The following HTRA3 variants were observed in gnomAD, a reference collection of about 807,000 sequenced individuals.
HTRA3 encodes the protein HtrA serine peptidase 3, also known as serine protease HTRA3.
In HTRA3, 41 loss-of-function variants were observed where a neutral mutation model predicts 43.2. The ratio of observed to expected loss-of-function variants is 0.95; its 90% CI spans 0.74 to 1.23. HTRA3 has a LOEUF of 1.23. HTRA3 is among the 50% of genes most tolerant of loss of function. HTRA3 has a pLI of 0.00. For synonymous variants in HTRA3, 295 were observed against 287.9 expected (o/e 1.02, Z -0.25); for missense variants, 628 against 647.1 (o/e 0.97, Z 0.32).
intron 1 of HTRA3, among the ~76,000 whole-genome samples, chr4:8,278,260 C>G (rs114898293): frequency 1.2e-3 from 177 of 152,190 alleles, no homozygotes; most frequent in Non-Finnish European, 1.9e-3. Flanking sequence ...CTTGTCTCCC[C>G]TGCCCTGTTG....
At chr4:8,274,145 G>T (rs1017690252) in intron 1 of HTRA3, among the ~76,000 whole-genome samples, 1 of 152,142 alleles carries the variant, frequency 6.6e-6, no homozygotes, top group Non-Finnish European at 1.5e-5. Flanking sequence ...CATCACCCTC[G>T]GTGCCGTCTC....
intron 3 of HTRA3, among the ~76,000 whole-genome samples, chr4:8,290,424 G>A (rs1713187970): frequency 6.6e-6 from 1 of 152,256 alleles, no homozygotes; most frequent in Admixed American, 6.5e-5. Flanking sequence ...CTGCCCCACT[G>A]ATCTCCTAAG....
chr4:8,292,300 T>C (rs763597664), intron 4 of HTRA3, 21 bp from the exon 5 acceptor site: 1 of 1,611,510 alleles, frequency 6.2e-7, no homozygotes, highest in South Asian at 1.1e-5. Context: ...GCACAGCTAA[T>C]GCTGTTTCCT....
At chr4:8,290,659 G>A (rs1713197423) in intron 3 of HTRA3, among the ~76,000 whole-genome samples, 2 of 152,196 alleles carry the variant, frequency 1.3e-5, no homozygotes, top group Non-Finnish European at 2.9e-5. Flanking sequence ...ACAAGCACCC[G>A]GGATTACCTT....
intron 3 of HTRA3, among the ~76,000 whole-genome samples, chr4:8,288,344 G>A (rs1713078950): frequency 6.6e-6 from 1 of 152,112 alleles, no homozygotes; most frequent in Admixed American, 6.5e-5. Context: ...CGTCATCTCG[G>A]CTCACCACAA....
intron 6 of HTRA3, among the ~76,000 whole-genome samples, chr4:8,300,058 T>A (rs1713583371): frequency 6.6e-6 from 1 of 152,246 alleles, no homozygotes. Flanking sequence ...CAGGCTGGTC[T>A]CAGACTCCTG....
chr4:8,276,465 C>T (rs1376485789), intron 1 of HTRA3, among the ~76,000 whole-genome samples: 1 of 152,184 alleles, frequency 6.6e-6, no homozygotes, highest in Admixed American at 6.5e-5. Context: ...AGCTGGAAGG[C>T]GGTGTCTGTG....
Position 8,295,608 on chromosome 4 carries a change from T to G in HTRA3, c.1051+1407T>G. ...CCTAGTGAGCTTCTCCCTCCTGCCA[T>G]TGTGTCTCCTGTGCCCACCTCCTGG... is the stretch of plus-strand genomic sequence containing the variant. On this transcript the variant is annotated intron_variant, in intron 6 of 8. Coordinates refer to ENST00000307358, the MANE Select transcript of HTRA3 (RefSeq NM_053044.5). This position sits in a 1 kb window ranked among gnomAD's most constrained non-coding sequence, Gnocchi z 6.9. 4 of 985,484 alleles carry G rather than the reference T, an allele frequency of 4.1e-6. No individual in the cohort carries two copies. Among genetic ancestry groups the G allele is most frequent in the Non-Finnish European group, 5.4e-6 (4 of 738,120 alleles). 61.0% of individuals were successfully genotyped at this position (985,484 alleles called of 1,614,324 possible).
intron 1 of HTRA3, among the ~76,000 whole-genome samples, chr4:8,281,605 G>A (rs577343073): frequency 4.1e-4 from 63 of 152,384 alleles, no homozygotes; most frequent in African/African-American, 1.3e-3. Flanking sequence ...GGGCTCGGGA[G>A]CCACGAGCGA....
At position 8,270,479 on chromosome 4, in the gene HTRA3, C is replaced by T; in HGVS notation, c.385+126C>T. 4 of 1,055,792 alleles carry T rather than the reference C, an allele frequency of 3.8e-6. 1 individual carries two copies. The South Asian group carries it at 8.3e-5, about 22-fold the overall frequency. The allele number at this position is 1,055,792 out of a possible 1,614,324, so 65.4% of individuals were successfully genotyped here. ...CACCGGGTGGCCCTTCAGAAATCAT[C>T]CCACCAGCCCTCTGGTCTTTCAGAT... On this transcript the variant is annotated intron_variant, in intron 1 of 8. Transcript: ENST00000307358.
At chr4:8,287,430 G>C (rs578240355) in intron 3 of HTRA3, among the ~76,000 whole-genome samples, 2 of 152,160 alleles carry the variant, frequency 1.3e-5, no homozygotes, top group East Asian at 1.9e-4. Context: ...AAGAAAAGAG[G>C]GTTCGTTGAC....
chr4:8,287,834 C>A (rs528824173), intron 3 of HTRA3, among the ~76,000 whole-genome samples: 1 of 152,344 alleles, frequency 6.6e-6, no homozygotes, highest in East Asian at 1.9e-4. Flanking sequence ...TGGAGCAGGG[C>A]TGGCCCGCTC....
rs776282148 is a variant in HTRA3 at position 8,306,095 on chromosome 4, G to A, written c.1321G>A (p.Asp441Asn). Residue 441 changes from aspartate to asparagine, a missense_variant, in exon 9 of 9, where the codon GAC (aspartate) becomes AAC (asparagine). Coordinates refer to ENST00000307358, the MANE Select transcript of HTRA3 (RefSeq NM_053044.5). The surrounding 1 kb of genome is among the most constrained non-coding windows in gnomAD (Gnocchi z 8.9). ...CCTACTGGAGGTGCGGCGGGGGAAC[G>A]ACGACCTCCTCTTCAGCATCGCACC... ...PLLLEVRRGN[D>N]DLLFSIAPEV... The A allele has an allele frequency of 1.6e-5, 26 of 1,607,086 alleles. No individual in the cohort carries two copies. The highest frequency in any genetic ancestry group is 2.2e-5 in the East Asian group (1 of 44,728).
chr4:8,290,436 T>C (rs1713188327), intron 3 of HTRA3, among the ~76,000 whole-genome samples: 1 of 152,148 alleles, frequency 6.6e-6, no homozygotes, highest in East Asian at 1.9e-4. Context: ...TCTCCTAAGT[T>C]GGGGCAATGC....
intron 8 of HTRA3, 52 bp from the exon 9 acceptor site, chr4:8,305,909 GGGCCTGGGAA>G: frequency 6.3e-7 from 1 of 1,590,660 alleles, no homozygotes; most frequent in South Asian, 1.1e-5. Context: ...GCTCTGGGCC[GGGCCTGGGAA>G]GGCTGTGCCT....
chr4:8,303,557 C>T (rs1467254372), intron 7 of HTRA3, among the ~76,000 whole-genome samples: 1 of 152,228 alleles, frequency 6.6e-6, no homozygotes, highest in African/African-American at 2.4e-5. Context: ...ACCATTTCCT[C>T]AAAGCACACA....
chr4:8,283,075 G>A (rs1309659173), intron 2 of HTRA3, among the ~76,000 whole-genome samples: 1 of 152,246 alleles, frequency 6.6e-6, no homozygotes. Context: ...TGTGGCCGGA[G>A]CGGGGAGGAA....
intron 1 of HTRA3, among the ~76,000 whole-genome samples, chr4:8,274,676 G>A (rs1431386368): frequency 6.6e-6 from 1 of 152,224 alleles, no homozygotes; most frequent in Admixed American, 6.5e-5. Context: ...TCCATCCACG[G>A]GATGGTAAAA....
At chr4:8,294,005 CAG>C (rs1318989582) in intron 5 of HTRA3, 80 bp from the exon 6 acceptor site, 1 of 887,692 alleles carries the variant, frequency 1.1e-6, no homozygotes, top group Non-Finnish European at 1.8e-6. Flanking sequence ...CCTCTAGAAA[CAG>C]AGCTGTGGAC....
Sources: gnomAD v4.1 joint callset for allele counts (sites outside exome capture counted in the v4.1 genomes callset) on GRCh38, gnomAD v4.1.1 for gene constraint, Gnocchi (gnomAD v3.1) non-coding constraint, MANE v1.5 for transcripts, NCBI Gene and HGNC (gene_info 2026-07-23, HGNC 2026-07-21) for gene names.